BACH2: variants seen among roughly 807,000 people sequenced by gnomAD.
BACH2 encodes the protein transcription regulator protein BACH2.
In BACH2, 5 loss-of-function variants were observed where a neutral mutation model predicts 61.8. That is an observed-to-expected ratio of 0.08 (90% confidence interval 0.04 to 0.17). The LOEUF (loss-of-function observed/expected upper bound fraction) is 0.17, where lower values mean the gene tolerates loss of function less well. BACH2 is among the 10% of genes least tolerant of loss of function. The pLI is 1.00. For missense variants in BACH2, 824 were observed against 1,091.1 expected (o/e 0.76, Z 3.45); for synonymous variants, 446 against 440.1 (o/e 1.01, Z -0.17).
rs375570097 is a variant in BACH2 at position 90,080,851 on chromosome 6, C to T, written c.-13+8110G>A. 5.4e-4 allele frequency: 458 copies of T among 852,852 alleles called. 2 individuals are homozygous for T. Among genetic ancestry groups the T allele is most frequent in the Non-Finnish European group, 6.1e-4 (434 of 709,224 alleles). The allele number at this position is 852,852 out of a possible 1,614,324, so 52.8% of individuals were successfully genotyped here. On this transcript the variant is annotated intron_variant, in intron 5 of 8. Transcript: ENST00000257749. ...CTGCAGAGCTAACACCGTCTTCATG[C>T]GCGGTACTCGAGCAGCTCTGATGAG... is the stretch of plus-strand genomic sequence containing the variant.
chr6:90,036,053 G>A (rs1011632429), intron 5 of BACH2, among the ~76,000 whole-genome samples: 1 of 151,784 alleles, frequency 6.6e-6, no homozygotes, highest in African/African-American at 2.4e-5. Flanking sequence ...ACCATTCTAA[G>A]AGAACACCAT....
Position 89,939,656 on chromosome 6 carries a change from CTTTTTTTTTTTTT to C in BACH2, c.1837-1319_1837-1307del, listed in dbSNP as rs71298713. Among the ~76,000 whole-genome samples the C allele has an allele frequency of 3.3e-4, 27 of 82,618 alleles. No individual in the cohort carries two copies. The South Asian group carries it at 3.6e-3, about 11-fold the overall frequency. 54.2% of individuals were successfully genotyped at this position (82,618 alleles called of 152,430 possible). The stretch of plus-strand genomic sequence containing the variant: ...TGTTGTTAAATGATTGCTTATATTT[CTTTTTTTTTTTTT>C]TTTTTTTTTTTTTGAGACAGGGTCT... On this transcript the variant is annotated intron_variant, in intron 7 of 8. Coordinates refer to ENST00000257749, the MANE Select transcript of BACH2 (RefSeq NM_021813.4).
chr6:90,039,040 CCA>C (rs1779400879), intron 5 of BACH2, among the ~76,000 whole-genome samples: 1 of 147,056 alleles, frequency 6.8e-6, no homozygotes. Context: ...AACTCCGTCT[CCA>C]AAAAAAAAAA....
At chr6:89,955,096 G>C (rs1267956366) in intron 6 of BACH2, among the ~76,000 whole-genome samples, 2 of 152,238 alleles carry the variant, frequency 1.3e-5, no homozygotes, top group Admixed American at 6.5e-5. Flanking sequence ...GTAACACCCT[G>C]CAAGGCAGGC....
chr6:89,982,936 T>C (rs1476812947), intron 6 of BACH2, among the ~76,000 whole-genome samples: 1 of 152,228 alleles, frequency 6.6e-6, no homozygotes, highest in Non-Finnish European at 1.5e-5. Flanking sequence ...TTTTGATGAT[T>C]ACCCTTAACA....
intron 6 of BACH2, among the ~76,000 whole-genome samples, chr6:89,970,194 A>AATTC (rs1426199339): frequency 6.6e-6 from 1 of 152,238 alleles, no homozygotes; most frequent in African/African-American, 2.4e-5. Context: ...AGGCCCTGTG[A>AATTC]AGTACAGGCC....
intron 5 of BACH2, among the ~76,000 whole-genome samples, chr6:90,013,690 A>G (rs1777855675): frequency 6.6e-6 from 1 of 151,048 alleles, no homozygotes; most frequent in African/African-American, 2.4e-5. Context: ...TTGTATTTTT[A>G]GTAGAGACAG....
intron 6 of BACH2, among the ~76,000 whole-genome samples, chr6:89,992,822 T>C (rs962264523): frequency 5.3e-5 from 8 of 152,256 alleles, no homozygotes; most frequent in Non-Finnish European, 2.9e-5. Flanking sequence ...TATTTTTTCA[T>C]AGGTTGCTAT....
intron 5 of BACH2, among the ~76,000 whole-genome samples, chr6:90,060,238 A>G (rs1299029025): frequency 6.6e-6 from 1 of 151,932 alleles, no homozygotes; most frequent in Admixed American, 6.5e-5. Context: ...ACATTGTCTC[A>G]TCTCCATTCT....
At chr6:90,062,341 A>G (rs958947911) in intron 5 of BACH2, among the ~76,000 whole-genome samples, 1 of 152,208 alleles carries the variant, frequency 6.6e-6, no homozygotes, top group Non-Finnish European at 1.5e-5. Context: ...GCTAAAGAAT[A>G]TATCTGATAA....
chr6:90,079,562 C>T (rs186459416), intron 5 of BACH2, among the ~76,000 whole-genome samples: 1 of 152,128 alleles, frequency 6.6e-6, no homozygotes, highest in Non-Finnish European at 1.5e-5. Context: ...CATGTGTAGA[C>T]ACACAACGCA....
chr6:90,183,699 C>A (rs1432940080), intron 4 of BACH2, among the ~76,000 whole-genome samples: 1 of 152,234 alleles, frequency 6.6e-6, no homozygotes, highest in African/African-American at 2.4e-5. Context: ...TACCATTCTT[C>A]CTGATCTACT....
intron 4 of BACH2, among the ~76,000 whole-genome samples, chr6:90,198,216 GGCTTGTACCCATGGCTT>G (rs1252652964): frequency 6.6e-6 from 1 of 152,172 alleles, no homozygotes; most frequent in Non-Finnish European, 1.5e-5. Flanking sequence ...CTCATCCTCA[GGCTTGTACCCATGGCTT>G]GCTTGTGCCC....
intron 1 of BACH2, among the ~76,000 whole-genome samples, chr6:90,287,690 C>T (rs887697111): frequency 3.3e-5 from 5 of 152,180 alleles, no homozygotes; most frequent in African/African-American, 4.8e-5. Context: ...TTATTTATCA[C>T]GAGCCCTCTC....
At chr6:90,094,498 C>CG (rs1325412479) in intron 4 of BACH2, among the ~76,000 whole-genome samples, 1 of 152,170 alleles carries the variant, frequency 6.6e-6, no homozygotes, top group East Asian at 1.9e-4. Context: ...CAATTCTCTC[C>CG]TATCCTAATC....
At chr6:90,123,074 G>A (rs1415258314) in intron 4 of BACH2, among the ~76,000 whole-genome samples, 1 of 152,166 alleles carries the variant, frequency 6.6e-6, no homozygotes, top group Non-Finnish European at 1.5e-5. Flanking sequence ...CTTTATGTTG[G>A]AAAAGGACCT....
chr6:90,066,181 C>T (rs988003713), intron 5 of BACH2, among the ~76,000 whole-genome samples: 5 of 152,054 alleles, frequency 3.3e-5, no homozygotes, highest in Admixed American at 6.6e-5. Flanking sequence ...ACTGAAGAAA[C>T]CAATAAGTCC....
At chr6:90,204,286 C>T (rs533624072) in intron 4 of BACH2, among the ~76,000 whole-genome samples, 9 of 152,188 alleles carry the variant, frequency 5.9e-5, no homozygotes, top group African/African-American at 2.2e-4. Context: ...CCACTTAGAA[C>T]GTCAGTCACA....
At chr6:89,976,581 T>C (rs1000808374) in intron 6 of BACH2, among the ~76,000 whole-genome samples, 1 of 152,236 alleles carries the variant, frequency 6.6e-6, no homozygotes, top group African/African-American at 2.4e-5. Flanking sequence ...CTTTGCTTAT[T>C]TTAGAAACGG....
Sources: gnomAD v4.1 joint callset for allele counts (sites outside exome capture counted in the v4.1 genomes callset) on GRCh38, gnomAD v4.1.1 for gene constraint, MANE v1.5 for transcripts, NCBI Gene and HGNC (gene_info 2026-07-23, HGNC 2026-07-21) for gene names.